CNTN4: variants seen among roughly 807,000 people sequenced by gnomAD.
CNTN4 encodes contactin-4.
CNTN4 carries 77 observed loss-of-function variants against 122.5 expected under a neutral mutation model. The ratio of observed to expected loss-of-function variants is 0.63; its 90% CI spans 0.52 to 0.76. CNTN4 has a LOEUF of 0.76. Among genes scored for constraint, CNTN4 ranks in the 30% least tolerant of loss-of-function variants. The probability of loss-of-function intolerance (pLI) is 0.00; values close to 1 mark genes in which losing one functional copy is unlikely to be tolerated. For missense variants in CNTN4, 1,256 were observed against 1,259.1 expected (o/e 1.00, Z 0.04); for synonymous variants, 512 against 447.0 (o/e 1.15, Z -1.83).
At chr3:2,158,529 C>A (rs185815410) in intron 2 of CNTN4, among the ~76,000 whole-genome samples, 328 of 152,302 alleles carry the variant, frequency 2.2e-3, no homozygotes, top group Middle Eastern at 0.017. Context: ...GGATGTCCTC[C>A]TATTGTTTGC....
At chr3:2,200,859 A>G (rs1411416505) in intron 2 of CNTN4, among the ~76,000 whole-genome samples, 11 of 152,172 alleles carry the variant, frequency 7.2e-5, no homozygotes, top group Non-Finnish European at 1.5e-4. Flanking sequence ...GCAGAGAAGA[A>G]TTGAAAATTT....
At chr3:2,933,240 T>A (rs567364015) in intron 13 of CNTN4, among the ~76,000 whole-genome samples, 3 of 152,264 alleles carry the variant, frequency 2.0e-5, no homozygotes, top group African/African-American at 7.2e-5. Flanking sequence ...AGCCAAGGGA[T>A]AATTTCTGGT....
intron 2 of CNTN4, among the ~76,000 whole-genome samples, chr3:2,117,695 G>C (rs1394463798): frequency 6.6e-6 from 1 of 152,194 alleles, no homozygotes; most frequent in East Asian, 1.9e-4. Flanking sequence ...TTTATGTCAG[G>C]AAATGGGGTG....
chr3:2,540,090 T>C (rs1186475161), intron 3 of CNTN4, among the ~76,000 whole-genome samples: 1 of 151,984 alleles, frequency 6.6e-6, no homozygotes, highest in African/African-American at 2.4e-5. Flanking sequence ...TGTGTGTGTG[T>C]GTGTGTATCA....
chr3:2,795,494 C>T (rs182322479), intron 6 of CNTN4, among the ~76,000 whole-genome samples: 1 of 150,450 alleles, frequency 6.6e-6, no homozygotes, highest in African/African-American at 2.4e-5. Flanking sequence ...TCTTAGCAGT[C>T]TTATATTAGA....
intron 2 of CNTN4, among the ~76,000 whole-genome samples, chr3:2,335,906 A>T (rs970643013): frequency 6.6e-6 from 1 of 152,150 alleles, no homozygotes; most frequent in Non-Finnish European, 1.5e-5. Context: ...TATACGTTGG[A>T]TCCATTCAAT....
At chr3:2,642,992 G>C (rs1187472135) in intron 4 of CNTN4, among the ~76,000 whole-genome samples, 1 of 152,138 alleles carries the variant, frequency 6.6e-6, no homozygotes, top group African/African-American at 2.4e-5. Context: ...ATACCTCATA[G>C]GGCAGATGTA....
chr3:2,504,315 C>T (rs1299947653), intron 3 of CNTN4, among the ~76,000 whole-genome samples: 1 of 152,114 alleles, frequency 6.6e-6, no homozygotes, highest in South Asian at 2.1e-4. Context: ...CATTTTTCTA[C>T]CATCTTCATG....
intron 4 of CNTN4, among the ~76,000 whole-genome samples, chr3:2,717,674 A>G (rs2087581846): frequency 6.6e-6 from 1 of 152,208 alleles, no homozygotes; most frequent in Admixed American, 6.5e-5. Flanking sequence ...GTATATACCT[A>G]GGGATGAAAT....
chr3:2,225,540 A>G (rs1277365514), intron 2 of CNTN4, among the ~76,000 whole-genome samples: 1 of 151,414 alleles, frequency 6.6e-6, no homozygotes, highest in Non-Finnish European at 1.5e-5. Flanking sequence ...AAAAACAAAA[A>G]CAAACAAACA....
chr3:2,692,147 C>T (rs1268812717), intron 4 of CNTN4, among the ~76,000 whole-genome samples: 1 of 152,178 alleles, frequency 6.6e-6, no homozygotes, highest in Non-Finnish European at 1.5e-5. Flanking sequence ...AAGTTTCTTG[C>T]TATGCAACTG....
At chr3:2,731,345 T>C (rs1346526794) in intron 4 of CNTN4, among the ~76,000 whole-genome samples, 1 of 152,168 alleles carries the variant, frequency 6.6e-6, no homozygotes, top group African/African-American at 2.4e-5. Context: ...TTCAAGATAA[T>C]TACCGTGGTA....
chr3:2,785,605 A>G (rs4684353), intron 6 of CNTN4, among the ~76,000 whole-genome samples: 149,215 of 152,328 alleles, frequency 0.98, 73,158 homozygotes, highest in East Asian at 1. Flanking sequence ...AACAAGTTAC[A>G]GTGAAAATAC....
intron 2 of CNTN4, among the ~76,000 whole-genome samples, chr3:2,163,389 C>G (rs1269287316): frequency 6.6e-6 from 1 of 152,012 alleles, no homozygotes; most frequent in Non-Finnish European, 1.5e-5. Context: ...AGACATGAAA[C>G]CATAGAAATT....
intron 2 of CNTN4, among the ~76,000 whole-genome samples, chr3:2,235,046 G>A (rs935842514): frequency 1.3e-5 from 2 of 152,108 alleles, no homozygotes; most frequent in African/African-American, 4.8e-5. Flanking sequence ...CTGTTGTATA[G>A]ATAACATCTG....
intron 6 of CNTN4, among the ~76,000 whole-genome samples, chr3:2,816,577 CT>C (rs1207930359): frequency 3.3e-5 from 5 of 151,498 alleles, no homozygotes; most frequent in Non-Finnish European, 7.4e-5. Context: ...AATTCCAGCA[CT>C]TTTGGAGGCT....
chr3:2,294,361 T>A (rs2042233280), intron 2 of CNTN4, among the ~76,000 whole-genome samples: 1 of 151,076 alleles, frequency 6.6e-6, no homozygotes, highest in South Asian at 2.1e-4. Flanking sequence ...GTAGGTGCGG[T>A]GGCTCACGCC....
chr3:2,186,197 T>C (rs1183886805), intron 2 of CNTN4, among the ~76,000 whole-genome samples: 1 of 152,030 alleles, frequency 6.6e-6, no homozygotes, highest in Non-Finnish European at 1.5e-5. Context: ...TTTTTGTCCT[T>C]GCGATGGTTT....
chr3:2,623,737 C>T (rs1170538138), intron 4 of CNTN4, among the ~76,000 whole-genome samples: 2 of 152,060 alleles, frequency 1.3e-5, no homozygotes, highest in African/African-American at 4.8e-5. Context: ...GAGTGGAAAA[C>T]AGTAATATGT....
Sources: allele counts gnomAD v4.1 joint callset (sites outside exome capture counted in the v4.1 genomes callset), GRCh38; gene constraint gnomAD v4.1.1; transcripts MANE v1.5; gene names NCBI Gene and HGNC (gene_info 2026-07-23, HGNC 2026-07-21).